The following STYXL1 variants were observed in gnomAD, a reference collection of about 807,000 sequenced individuals.
STYXL1 encodes serine/threonine/tyrosine-interacting-like protein 1.
A neutral mutation model predicts 36.4 loss-of-function variants in STYXL1; 32 were observed. The ratio of observed to expected loss-of-function variants is 0.88; its 90% CI spans 0.66 to 1.18. The LOEUF (loss-of-function observed/expected upper bound fraction) is 1.18. Among genes scored for constraint, STYXL1 ranks in the 50% most tolerant of loss-of-function variants. STYXL1 has a pLI of 0.00. For missense variants in STYXL1, 354 were observed against 394.1 expected (o/e 0.90, Z 0.86); for synonymous variants, 133 against 144.1 (o/e 0.92, Z 0.55).
Position 75,996,567 on chromosome 7 carries a change from G to A in STYXL1, c.843C>T (p.Asn281=). ...RSWAYVKKCK[N]NMCPNRGLVS... Reference sequence around the variant, plus strand: ...CCAATCCCCGATTTGGACACATGTTGTTTTTGCACTTCTTGACATAGGCCC... The same window carrying A: ...CCAATCCCCGATTTGGACACATGTTATTTTTGCACTTCTTGACATAGGCCC... Residue 281 remains asparagine, a synonymous_variant, in exon 9 of 9, where the codon AAC becomes AAT. Transcript: ENST00000359697. The A allele has an allele frequency of 6.2e-7, 1 of 1,614,232 alleles. No individual in the cohort carries two copies. The highest frequency in any genetic ancestry group is 8.5e-7 in the Non-Finnish European group (1 of 1,180,038).
intron 7 of STYXL1, among the ~76,000 whole-genome samples, chr7:76,003,187 G>T (rs1554568377): frequency 6.6e-6 from 1 of 152,178 alleles, no homozygotes; most frequent in African/African-American, 2.4e-5. Flanking sequence ...TATAATCCCA[G>T]CACCTTGAGA....
chr7:76,031,819 A>G (rs1171748376), intron 1 of STYXL1, among the ~76,000 whole-genome samples: 4 of 152,180 alleles, frequency 2.6e-5, no homozygotes, highest in Non-Finnish European at 5.9e-5. Context: ...AACAGCTGCC[A>G]GTTCATTTGC....
chr7:76,026,951 C>T (rs1794783988), intron 3 of STYXL1, among the ~76,000 whole-genome samples: 1 of 152,092 alleles, frequency 6.6e-6, no homozygotes, highest in Admixed American at 6.6e-5. Context: ...ATCCCAGCTA[C>T]AGGCTGGAGG....
intron 4 of STYXL1, among the ~76,000 whole-genome samples, chr7:76,016,441 G>GCATATATACACATATATA (rs1237696815): frequency 6.9e-6 from 1 of 145,520 alleles, no homozygotes; most frequent in East Asian, 1.9e-4. Flanking sequence ...ACATATATAC[G>GCATATATACACATATATA]CATATATACA....
rs1401266209 is a variant in STYXL1, at chr7:76,001,021, G to A, written c.698-19C>T. 1.2e-6 allele frequency: 2 copies of A among 1,600,680 alleles called. No individual in the cohort carries two copies. Among genetic ancestry groups the A allele is most frequent in the African/African-American group, 2.7e-5 (2 of 74,614 alleles). On this transcript the variant is annotated intron_variant, in intron 7 of 8. Coordinates refer to ENST00000359697, the MANE Select transcript of STYXL1 (RefSeq NM_001317785.2). ...TGAATTTCTGCAAAAAGAAGTGGGG[G>A]GTTGGGTCATGCCTGGCCCTCCTCC... is the stretch of plus-strand genomic sequence containing the variant.
intron 4 of STYXL1, among the ~76,000 whole-genome samples, chr7:76,015,082 AC>A (rs1793115486): frequency 6.6e-6 from 1 of 152,188 alleles, no homozygotes. Context: ...CCCCGCCTCC[AC>A]AAATAAAATT....
At chr7:76,037,731 G>A (rs900877570) in intron 1 of STYXL1, among the ~76,000 whole-genome samples, 1 of 149,748 alleles carries the variant, frequency 6.7e-6, no homozygotes, top group African/African-American at 2.4e-5. Flanking sequence ...GGACACAATT[G>A]ATGGGCATTT....
chr7:76,013,972 A>C (rs1585227641), intron 4 of STYXL1, 85 bp from the exon 5 acceptor site: 1 of 1,379,898 alleles, frequency 7.2e-7, no homozygotes, highest in Non-Finnish European at 9.8e-7. Context: ...TTTCTTCTGA[A>C]ATGCAATTAT....
At chr7:76,034,890 C>T (rs530128872) in intron 1 of STYXL1, among the ~76,000 whole-genome samples, 1 of 152,370 alleles carries the variant, frequency 6.6e-6, no homozygotes, top group Non-Finnish European at 1.5e-5. Context: ...ATACCACACA[C>T]ATACCAATGA....
At chr7:76,024,088 G>C (rs1027127099) in intron 3 of STYXL1, among the ~76,000 whole-genome samples, 1 of 151,996 alleles carries the variant, frequency 6.6e-6, no homozygotes, top group Non-Finnish European at 1.5e-5. Flanking sequence ...GTGTTGTCCA[G>C]GCTCGTCTCA....
intron 1 of STYXL1, among the ~76,000 whole-genome samples, chr7:76,043,427 C>T (rs1796666903): frequency 6.6e-6 from 1 of 151,984 alleles, no homozygotes; most frequent in South Asian, 2.1e-4. Flanking sequence ...AGGCGTGAGT[C>T]ACCGCACCCA....
chr7:76,005,907 G>GGAGA (rs1554570167), intron 5 of STYXL1, among the ~76,000 whole-genome samples: 11 of 142,540 alleles, frequency 7.7e-5, no homozygotes, highest in Non-Finnish European at 1.4e-4. Context: ...GGAGAGAGGA[G>GGAGA]GAGGAGGAGG....
intron 1 of STYXL1, among the ~76,000 whole-genome samples, chr7:76,038,197 G>A (rs1285658625): frequency 6.7e-6 from 1 of 149,526 alleles, no homozygotes; most frequent in Non-Finnish European, 1.5e-5. Context: ...TGAGGCTACA[G>A]GTGCATGCCA....
At chr7:76,039,740 C>A (rs1290802949) in intron 1 of STYXL1, among the ~76,000 whole-genome samples, 2 of 152,084 alleles carry the variant, frequency 1.3e-5, no homozygotes, top group Non-Finnish European at 2.9e-5. Flanking sequence ...CTTCGCCTCC[C>A]AAGTTCAAGC....
intron 3 of STYXL1, among the ~76,000 whole-genome samples, chr7:76,022,247 C>T (rs1304578226): frequency 6.6e-6 from 1 of 152,204 alleles, no homozygotes; most frequent in African/African-American, 2.4e-5. Flanking sequence ...GACCAAAGAA[C>T]AGCTGGTCTG....
At position 76,030,002 on chromosome 7, in the gene STYXL1, T is replaced by A. The variant is rs117062070; in HGVS notation, c.103+419A>T. Among the ~76,000 whole-genome samples, 443 of 151,662 alleles carry A rather than the reference T, an allele frequency of 2.9e-3. 1 individual carries two copies. The highest frequency in any genetic ancestry group is 0.027 in the Middle Eastern group (8 of 292). ...GGGGGTTGCGGACTTCTTTTTTATTTTTTTTTTTCTTTTTTGAGACAGGGT... is the reference window on the plus strand; with the variant it reads ...GGGGGTTGCGGACTTCTTTTTTATTATTTTTTTTCTTTTTTGAGACAGGGT... On this transcript the variant is annotated intron_variant, in intron 2 of 8. Transcript: ENST00000359697.
intron 4 of STYXL1, among the ~76,000 whole-genome samples, chr7:76,016,416 C>CGTGT (rs1793365878): frequency 2.0e-5 from 3 of 147,094 alleles, no homozygotes; most frequent in African/African-American, 8.0e-5. Flanking sequence ...TATATCTATA[C>CGTGT]GTATACACAT....
chr7:76,041,402 C>T (rs1210769299), intron 1 of STYXL1, among the ~76,000 whole-genome samples: 1 of 151,890 alleles, frequency 6.6e-6, no homozygotes, highest in Non-Finnish European at 1.5e-5. Flanking sequence ...ATGGTTTGTC[C>T]CCAGCAAAAC....
intron 4 of STYXL1, among the ~76,000 whole-genome samples, chr7:76,020,008 G>A (rs1793870400): frequency 6.6e-6 from 1 of 151,262 alleles, no homozygotes; most frequent in Non-Finnish European, 1.5e-5. Context: ...ACTTTTCATT[G>A]ACCTGAAAGA....
Sources: gnomAD v4.1 joint callset for allele counts (sites outside exome capture counted in the v4.1 genomes callset) on GRCh38, gnomAD v4.1.1 for gene constraint, MANE v1.5 for transcripts, NCBI Gene and HGNC (gene_info 2026-07-23, HGNC 2026-07-21) for gene names.